The following ATP9B variants were observed in gnomAD, a reference collection of about 807,000 sequenced individuals.
The protein encoded by ATP9B is ATPase phospholipid transporting 9B.
ATP9B carries 110 observed loss-of-function variants against 146.1 expected under a neutral mutation model. That is an observed-to-expected ratio of 0.75 (90% confidence interval 0.65 to 0.88). The LOEUF is 0.88. ATP9B is among the 40% of genes least tolerant of loss of function. The pLI is 0.00. For missense variants in ATP9B, 1,499 were observed against 1,496.4 expected (o/e 1.00, Z -0.03); for synonymous variants, 604 against 569.7 (o/e 1.06, Z -0.86).
At chr18:79,340,967 T>C (rs900574352) in intron 19 of ATP9B, among the ~76,000 whole-genome samples, 2 of 152,230 alleles carry the variant, frequency 1.3e-5, no homozygotes, top group African/African-American at 2.4e-5. Flanking sequence ...TCCTTTGTGG[T>C]AGGCACCTTT....
intron 5 of ATP9B, among the ~76,000 whole-genome samples, chr18:79,130,468 C>G (rs1314900955): frequency 6.6e-6 from 1 of 151,188 alleles, no homozygotes; most frequent in African/African-American, 2.4e-5. Flanking sequence ...GGGACAGCAT[C>G]AAGCGTACCA....
At chr18:79,114,597 A>G (rs1348372057) in intron 4 of ATP9B, among the ~76,000 whole-genome samples, 2 of 152,186 alleles carry the variant, frequency 1.3e-5, no homozygotes, top group Non-Finnish European at 2.9e-5. Flanking sequence ...TTTCTCTTTC[A>G]CATAGACTTC....
chr18:79,209,637 T>C (rs1321250683), intron 10 of ATP9B: 1 of 985,196 alleles, frequency 1.0e-6, no homozygotes, highest in Non-Finnish European at 1.2e-6. Flanking sequence ...CATTCTGTTC[T>C]CTTTGCCATC....
intron 15 of ATP9B, among the ~76,000 whole-genome samples, chr18:79,308,088 A>G (rs2096629075): frequency 6.6e-6 from 1 of 152,168 alleles, no homozygotes; most frequent in Admixed American, 6.5e-5. Flanking sequence ...AAAGAGCGCC[A>G]TCATCCCCCT....
At chr18:79,349,670 G>T (rs1321064720) in intron 25 of ATP9B, among the ~76,000 whole-genome samples, 1 of 152,200 alleles carries the variant, frequency 6.6e-6, no homozygotes, top group Non-Finnish European at 1.5e-5. Flanking sequence ...AAACATGTGA[G>T]GTCCTCTTAA....
chr18:79,203,495 A>C (rs2095507272), intron 9 of ATP9B, among the ~76,000 whole-genome samples: 1 of 152,224 alleles, frequency 6.6e-6, no homozygotes, highest in Non-Finnish European at 1.5e-5. Context: ...ACTGCAGGTG[A>C]AAGACATCTT....
intron 12 of ATP9B, among the ~76,000 whole-genome samples, chr18:79,260,399 A>T (rs2096127959): frequency 6.6e-6 from 1 of 152,150 alleles, no homozygotes; most frequent in African/African-American, 2.4e-5. Context: ...CTCCCTCTAC[A>T]CACGGGGAGT....
chr18:79,350,431 C>T (rs2096916429), intron 25 of ATP9B, among the ~76,000 whole-genome samples: 1 of 152,248 alleles, frequency 6.6e-6, no homozygotes, highest in Non-Finnish European at 1.5e-5. Flanking sequence ...AGGAAAGCGC[C>T]GTCATCGGCC....
At chr18:79,334,502 T>A (rs985789337) in intron 17 of ATP9B, among the ~76,000 whole-genome samples, 1 of 152,080 alleles carries the variant, frequency 6.6e-6, no homozygotes, top group Non-Finnish European at 1.5e-5. Context: ...CAGCACTTAG[T>A]AATCAATTGT....
chr18:79,246,316 T>TGCG (rs1394272299), intron 11 of ATP9B, among the ~76,000 whole-genome samples: 1 of 132,328 alleles, frequency 7.6e-6, no homozygotes, highest in Non-Finnish European at 1.6e-5. Context: ...CCCTACTGAC[T>TGCG]GAGGAGGGCA....
chr18:79,344,450 G>T, intron 21 of ATP9B, 96 bp downstream of exon 21: 1 of 1,055,928 alleles, frequency 9.5e-7, no homozygotes, highest in Non-Finnish European at 1.4e-6. Context: ...GGCAAGGCTG[G>T]ACCCTGAGTG....
At chr18:79,375,006 G>A (rs2097095000) in intron 28 of ATP9B, among the ~76,000 whole-genome samples, 1 of 152,192 alleles carries the variant, frequency 6.6e-6, no homozygotes, top group Non-Finnish European at 1.5e-5. Context: ...TTAGGGGCGG[G>A]TCTGAAGATC....
chr18:79,188,914 A>G (rs1285259834), intron 8 of ATP9B, among the ~76,000 whole-genome samples: 1 of 148,430 alleles, frequency 6.7e-6, no homozygotes, highest in South Asian at 2.1e-4. Context: ...AGTTTGCAGT[A>G]TTCTGTTAAC....
intron 10 of ATP9B, among the ~76,000 whole-genome samples, chr18:79,208,123 T>C (rs1355704377): frequency 6.6e-6 from 1 of 152,080 alleles, no homozygotes; most frequent in Non-Finnish European, 1.5e-5. Context: ...CGGGCGCCTG[T>C]AGTCCCAGCT....
chr18:79,346,943 C>G (rs560277225), intron 23 of ATP9B, among the ~76,000 whole-genome samples: 375 of 152,380 alleles, frequency 2.5e-3, no homozygotes, highest in African/African-American at 8.8e-3. Flanking sequence ...AATGTCAATC[C>G]TGCCACGTGC....
chr18:79,345,617 C>G, intron 22 of ATP9B, 45 bp downstream of exon 22: 1 of 1,598,498 alleles, frequency 6.3e-7, no homozygotes, highest in Non-Finnish European at 8.5e-7. Context: ...CCAGAGAAAC[C>G]CGTAGGCTGA....
chr18:79,308,710 T>C (rs71366517), intron 15 of ATP9B, among the ~76,000 whole-genome samples: 1,012 of 10,098 alleles, frequency 0.1, 89 homozygotes, highest in African/African-American at 0.14. Context: ...AGGTCAGGGG[T>C]GGTGGAGTGA....
At chr18:79,087,897 T>A (rs1333139176) in intron 1 of ATP9B, among the ~76,000 whole-genome samples, 1 of 152,236 alleles carries the variant, frequency 6.6e-6, no homozygotes, top group African/African-American at 2.4e-5. Context: ...TTACTCATTT[T>A]AAAAATATGT....
chr18:79,245,783 C>CACCGCCCTACTGACTGAGGAGGGT lies in ATP9B; in HGVS notation c.1108-7595_1108-7594insGCCCTACTGACTGAGGAGGGTACC, dbSNP rs1568483636. On this transcript the variant is annotated intron_variant, in intron 11 of 29. Transcript: ENST00000426216. The stretch of plus-strand genomic sequence containing the variant: ...GCACCGCCCTACTGACTGAGGAGGG[C>CACCGCCCTACTGACTGAGGAGGGT]ACCACCCTACTGACTGAGGAGGGTA... Among the ~76,000 whole-genome samples the CACCGCCCTACTGACTGAGGAGGGT allele has an allele frequency of 3.9e-3, 418 of 106,142 alleles. 1 individual carries two copies. Among genetic ancestry groups the CACCGCCCTACTGACTGAGGAGGGT allele is most frequent in the Middle Eastern group, 9.3e-3 (1 of 108 alleles). The allele number at this position is 106,142 out of a possible 152,430, so 69.6% of individuals were successfully genotyped here.
Sources: gnomAD v4.1 joint callset for allele counts (sites outside exome capture counted in the v4.1 genomes callset) on GRCh38, gnomAD v4.1.1 for gene constraint, MANE v1.5 for transcripts, NCBI Gene and HGNC (gene_info 2026-07-23, HGNC 2026-07-21) for gene names.